ANKFN1: variants seen among roughly 807,000 people sequenced by gnomAD.
ANKFN1 encodes ankyrin repeat and fibronectin type III domain containing 1.
Under a neutral mutation model 108.7 loss-of-function variants are expected in ANKFN1, and 74 were observed. That is an observed-to-expected ratio of 0.68 (90% CI 0.56 to 0.83). ANKFN1 has a LOEUF of 0.83. ANKFN1 is among the 40% of genes least tolerant of loss of function. The probability of loss-of-function intolerance (pLI) is 0.00; values close to 1 mark genes in which losing one functional copy is unlikely to be tolerated. For missense variants in ANKFN1, 1,505 were observed against 1,382.3 expected (o/e 1.09, Z -1.41); for synonymous variants, 547 against 516.2 (o/e 1.06, Z -0.81).
At chr17:56,158,772 C>T (rs1290220591) in intron 1 of ANKFN1, among the ~76,000 whole-genome samples, 2 of 151,866 alleles carry the variant, frequency 1.3e-5, no homozygotes, top group African/African-American at 2.4e-5. Context: ...GTATTTTCCC[C>T]CCTAAAATAA....
intron 4 of ANKFN1, among the ~76,000 whole-genome samples, chr17:56,117,597 C>T (rs887670400): frequency 6.6e-6 from 1 of 152,112 alleles, no homozygotes; most frequent in Non-Finnish European, 1.5e-5. Flanking sequence ...TCTGTTCTTT[C>T]TCATGATCTA....
intron 4 of ANKFN1, among the ~76,000 whole-genome samples, chr17:56,089,374 T>C (rs1232597206): frequency 1.3e-5 from 2 of 151,456 alleles, no homozygotes; most frequent in Non-Finnish European, 2.9e-5. Context: ...ATACACCATA[T>C]ACATGTCCTT....
intron 4 of ANKFN1, among the ~76,000 whole-genome samples, chr17:56,097,072 C>T (rs1045897396): frequency 9.2e-5 from 14 of 152,164 alleles, no homozygotes; most frequent in East Asian, 1.9e-4. Context: ...TGAGTACAGA[C>T]GGATACATGT....
At chr17:56,091,126 T>C (rs1249960064) in intron 4 of ANKFN1, among the ~76,000 whole-genome samples, 1 of 151,020 alleles carries the variant, frequency 6.6e-6, no homozygotes, top group Non-Finnish European at 1.5e-5. Flanking sequence ...AAAATTCTTG[T>C]TGAAATAAGT....
At position 56,476,436 on chromosome 17, in the gene ANKFN1, G is replaced by A. The variant is rs1040864969; in HGVS notation, c.1774-1052G>A. Among the ~76,000 whole-genome samples the A allele has an allele frequency of 3.3e-5, 5 of 152,142 alleles. No individual in the cohort carries two copies. In the South Asian group the frequency reaches 8.3e-4, roughly 25 times the overall value. On this transcript the variant is annotated intron_variant, in intron 15 of 20. Coordinates refer to ENST00000682825, the MANE Select transcript of ANKFN1 (RefSeq NM_001370326.1). ...ATTCAAACATCCCTGTACTTAACTT[G>A]GTTGACACTTACTATTGAATCAACA...
intron 6 of ANKFN1, among the ~76,000 whole-genome samples, chr17:56,355,799 T>C (rs1334926830): frequency 3.9e-5 from 6 of 152,112 alleles, no homozygotes; most frequent in Non-Finnish European, 8.8e-5. Context: ...GAGATACAAT[T>C]CACATACCAT....
At position 56,266,815 on chromosome 17, in the gene ANKFN1, G is replaced by A. The variant is rs567483925; in HGVS notation, c.53+38858G>A. Among the ~76,000 whole-genome samples, 10 of 152,132 alleles carry A rather than the reference G, an allele frequency of 6.6e-5. No homozygotes were observed. The East Asian group carries it at 1.7e-3, about 26-fold the overall frequency. ...CTAAAAAAACAAAAATTATTTTTCC[G>A]TCTCAATTAATCATTTTGTTTGTGT... is the stretch of plus-strand genomic sequence containing the variant. On this transcript the variant is annotated intron_variant, in intron 3 of 20. Transcript: ENST00000682825.
chr17:56,297,178 C>T (rs766218488), intron 3 of ANKFN1, among the ~76,000 whole-genome samples: 6 of 152,180 alleles, frequency 3.9e-5, no homozygotes, highest in African/African-American at 1.4e-4. Flanking sequence ...GGATCATTGG[C>T]CTCTGAAGCT....
At chr17:56,189,478 C>T (rs529697131) in intron 1 of ANKFN1, among the ~76,000 whole-genome samples, 3 of 152,284 alleles carry the variant, frequency 2.0e-5, no homozygotes, top group Admixed American at 6.5e-5. Context: ...CCTGCCCTGA[C>T]TTTTTGTGAG....
intron 3 of ANKFN1, among the ~76,000 whole-genome samples, chr17:56,283,692 G>A (rs2044145262): frequency 1.3e-5 from 2 of 151,908 alleles, no homozygotes; most frequent in South Asian, 4.2e-4. Context: ...AAGCTATGAG[G>A]ATGCAAAGGC....
At chr17:56,420,174 A>G (rs574312760) in intron 8 of ANKFN1, among the ~76,000 whole-genome samples, 1 of 152,336 alleles carries the variant, frequency 6.6e-6, no homozygotes, top group East Asian at 1.9e-4. Flanking sequence ...GCATAGATGA[A>G]TAGATGGATG....
At chr17:56,485,044 G>A (rs2050816281) in intron 18 of ANKFN1, among the ~76,000 whole-genome samples, 2 of 152,148 alleles carry the variant, frequency 1.3e-5, no homozygotes, top group African/African-American at 4.8e-5. Context: ...ATAATTTGGT[G>A]AAGTCTGTTA....
intron 4 of ANKFN1, among the ~76,000 whole-genome samples, chr17:56,336,255 C>T (rs2045807324): frequency 6.6e-6 from 1 of 152,152 alleles, no homozygotes; most frequent in Admixed American, 6.6e-5. Flanking sequence ...GGAGGATTCC[C>T]TCTTTTTCTA....
At chr17:56,181,972 C>A (rs1195524196) in intron 1 of ANKFN1, among the ~76,000 whole-genome samples, 1 of 152,068 alleles carries the variant, frequency 6.6e-6, no homozygotes, top group Non-Finnish European at 1.5e-5. Context: ...GATTTATGAT[C>A]AGTGATCTTT....
At chr17:56,074,499 T>C (rs2163451) in intron 4 of ANKFN1, among the ~76,000 whole-genome samples, 104,866 of 152,038 alleles carry the variant, frequency 0.69, 36,635 homozygotes, top group Middle Eastern at 0.76. Context: ...AGTAATTTGC[T>C]AAAGAAATGC....
At chr17:56,324,555 G>C (rs1031547411) in intron 3 of ANKFN1, among the ~76,000 whole-genome samples, 1 of 152,138 alleles carries the variant, frequency 6.6e-6, no homozygotes, top group African/African-American at 2.4e-5. Flanking sequence ...TGTAATTCAA[G>C]TAAGTCTGCA....
intron 6 of ANKFN1, among the ~76,000 whole-genome samples, chr17:56,364,802 G>T (rs2046618417): frequency 6.6e-6 from 1 of 152,202 alleles, no homozygotes; most frequent in South Asian, 2.1e-4. Flanking sequence ...ATGTCTGGGT[G>T]TAATAAGTTA....
chr17:56,317,625 T>G (rs1447307814), intron 3 of ANKFN1, among the ~76,000 whole-genome samples: 1 of 152,212 alleles, frequency 6.6e-6, no homozygotes, highest in African/African-American at 2.4e-5. Flanking sequence ...GGCTTGCTGT[T>G]GTTATTTTTA....
At chr17:56,492,726 G>GA (rs1240396841) in intron 19 of ANKFN1, among the ~76,000 whole-genome samples, 1 of 152,046 alleles carries the variant, frequency 6.6e-6, no homozygotes, top group Non-Finnish European at 1.5e-5. Flanking sequence ...ATATCTCAGA[G>GA]AAAAAGAAAA....
Sources: allele counts gnomAD v4.1 joint callset (sites outside exome capture counted in the v4.1 genomes callset), GRCh38; gene constraint gnomAD v4.1.1; transcripts MANE v1.5; gene names NCBI Gene and HGNC (gene_info 2026-07-23, HGNC 2026-07-21).